Variants in KMT5A observed in about 807,000 individuals in gnomAD.
The protein encoded by KMT5A is N-lysine methyltransferase KMT5A.
In KMT5A, 6 loss-of-function variants were observed where a neutral mutation model predicts 40.6. That is an observed-to-expected ratio of 0.15 (90% CI 0.08 to 0.29). KMT5A has a LOEUF of 0.29. Ranked by LOEUF, KMT5A falls within the 10% of genes least tolerant of loss-of-function variation. KMT5A has a pLI of 1.00. For missense variants in KMT5A, 308 were observed against 459.1 expected, an observed-to-expected ratio of 0.67 and a Z score of 3.01; for synonymous variants, 153 against 178.8, an observed-to-expected ratio of 0.86 and a Z score of 1.15.
In KMT5A at chr12:123,408,388, G is replaced by T. The variant is rs1305677425; in HGVS notation, c.*685G>T. On this transcript the variant is annotated 3_prime_UTR_variant, in exon 8 of 8. Transcript: ENST00000402868. ...CAAACTAGATGTGGGCAGGGAGAGG[G>T]TTGCTTACCTGCCCTGCTGGGGCAG... 1 of 152,218 alleles carries T rather than the reference G, an allele frequency of 6.6e-6. No homozygotes were observed. Among genetic ancestry groups the T allele is most frequent in the Non-Finnish European group, 1.5e-5 (1 of 67,948 alleles). The allele number at this position is 152,218 out of a possible 1,614,324, so 9.4% of individuals were successfully genotyped here.
Position 123,405,507 on chromosome 12 carries a change from C to T in KMT5A, c.848+433C>T, listed in dbSNP as rs1309407563. Among the ~76,000 whole-genome samples, 5 of 124,274 alleles carry T rather than the reference C, an allele frequency of 4.0e-5. No homozygotes were observed. The East Asian group carries it at 1.1e-3, about 27-fold the overall frequency. 81.5% of individuals were successfully genotyped at this position (124,274 alleles called of 152,430 possible). On this transcript the variant is annotated intron_variant, in intron 7 of 7. Coordinates refer to ENST00000402868, the MANE Select transcript of KMT5A (RefSeq NM_020382.7). ...TTTTTCAAAGCTGTGATGCAATTAT[C>T]GCCTGCTTCCTTTTTTTTTTTTTTT...
At chr12:123,400,121 C>G (rs188639883) in intron 5 of KMT5A, among the ~76,000 whole-genome samples, 6 of 151,302 alleles carry the variant, frequency 4.0e-5, no homozygotes, top group South Asian at 2.1e-4. Flanking sequence ...TGAGCCCGGC[C>G]GTGAGACCCC....
At chr12:123,385,768 C>T (rs1770028957) in intron 1 of KMT5A, among the ~76,000 whole-genome samples, 1 of 152,042 alleles carries the variant, frequency 6.6e-6, no homozygotes, top group Non-Finnish European at 1.5e-5. Flanking sequence ...GGGAGAATTG[C>T]CTGAACCTGG....
At chr12:123,391,266 C>T (rs1045898540) in intron 3 of KMT5A, 10 of 157,130 alleles carry the variant, frequency 6.4e-5, no homozygotes, top group African/African-American at 1.9e-4. Flanking sequence ...ACGATCTCAG[C>T]TCACTGCAAC....
In KMT5A at chr12:123,408,109, C is replaced by A; in HGVS notation, c.*406C>A. On this transcript the variant is annotated 3_prime_UTR_variant, in exon 8 of 8. Transcript: ENST00000402868. Reference sequence around the variant, plus strand: ...CCCCTGCACCCCCGACATCCAGGGACGGGGTGTGAGGAAGACGCTGCCTCC... The same window carrying A: ...CCCCTGCACCCCCGACATCCAGGGAAGGGGTGTGAGGAAGACGCTGCCTCC... The A allele has an allele frequency of 5.0e-6, 1 of 198,810 alleles. No individual in the cohort carries two copies. The highest frequency in any genetic ancestry group is 8.3e-5 in the South Asian group (1 of 12,094). The allele number at this position is 198,810 out of a possible 1,614,324, so 12.3% of individuals were successfully genotyped here.
intron 7 of KMT5A, among the ~76,000 whole-genome samples, chr12:123,405,351 A>G (rs1427593086): frequency 1.3e-5 from 2 of 150,334 alleles, no homozygotes; most frequent in African/African-American, 4.9e-5. Context: ...CTGTATTTTT[A>G]GTAGAGGTGG....
chr12:123,405,691 A>G (rs370539018), intron 7 of KMT5A, among the ~76,000 whole-genome samples: 1 of 149,266 alleles, frequency 6.7e-6, no homozygotes, highest in Non-Finnish European at 1.5e-5. Flanking sequence ...TAATTCTTAT[A>G]TATTTTTTTA....
At chr12:123,396,246 A>G in intron 4 of KMT5A, 99 bp from the exon 5 acceptor site, 1 of 1,101,178 alleles carries the variant, frequency 9.1e-7, no homozygotes, top group Non-Finnish European at 1.4e-6. Context: ...ATCATCTCCA[A>G]GGAGCTGTGT....
chr12:123,401,210 G>T lies in KMT5A; in HGVS notation c.598-2363G>T, dbSNP rs556131117. Among the ~76,000 whole-genome samples the T allele has an allele frequency of 1.3e-4, 17 of 135,504 alleles. No individual in the cohort carries two copies. The South Asian group carries it at 3.0e-3, about 24-fold the overall frequency. The allele number at this position is 135,504 out of a possible 152,430, so 88.9% of individuals were successfully genotyped here. ...GTTGCCAAGGCTGGAGTGCAGTGGC[G>T]CGATCTTGGCTCACTGCAAGCTCCG... On this transcript the variant is annotated intron_variant, in intron 5 of 7. Transcript: ENST00000402868.
At chr12:123,386,210 A>ATTTTT (rs59509232) in intron 1 of KMT5A, among the ~76,000 whole-genome samples, 1 of 79,848 alleles carries the variant, frequency 1.3e-5, no homozygotes, top group Non-Finnish European at 2.5e-5. Context: ...TTAGATTTAG[A>ATTTTT]TTTTTTTTTT....
chr12:123,407,486 C>T lies in KMT5A; in HGVS notation c.849-7C>T. On this transcript the variant is annotated splice_polypyrimidine_tract_variant and splice_region_variant and intron_variant, in intron 7 of 7. Coordinates refer to ENST00000402868, the MANE Select transcript of KMT5A (RefSeq NM_020382.7). ...TTTAATCCTCTCTGGCCCTCCTTCC[C>T]CTCCAGCGTGGATGCAACTAGAGAG... 6.2e-7 allele frequency: 1 copy of T among 1,613,862 alleles called. No homozygotes were observed. Among genetic ancestry groups the T allele is most frequent in the South Asian group, 1.1e-5 (1 of 91,060 alleles).
intron 1 of KMT5A, among the ~76,000 whole-genome samples, chr12:123,385,052 G>C (rs1043572381): frequency 3.3e-5 from 5 of 151,664 alleles, no homozygotes; most frequent in Non-Finnish European, 7.4e-5. Flanking sequence ...AAAAAAAAAA[G>C]TTTTGGTATT....
Position 123,395,255 on chromosome 12 carries a change from C to T in KMT5A, c.498C>T (p.Ala166=), listed in dbSNP as rs143093606. 1.8e-4 allele frequency: 288 copies of T among 1,612,782 alleles called. 3 individuals are homozygous for T. Among genetic ancestry groups the T allele is most frequent in the South Asian group, 6.4e-4 (58 of 90,868 alleles). The change falls in exon 4 of 8, where the codon GCC becomes GCT. Residue 166 remains alanine, a synonymous_variant. Transcript: ENST00000402868. ...AAAAGCCCATCAAGGGCAAACAGGC[C>T]CCCCGAAAAAAGTAAGTGCCCCATT... is the stretch of plus-strand genomic sequence containing the variant. ...ALKKPIKGKQ[A]PRKKAQGKTQ...
intron 5 of KMT5A, among the ~76,000 whole-genome samples, chr12:123,401,144 C>CTTTTTTTTTTTTT (rs58431238): frequency 4.0e-5 from 3 of 75,678 alleles, no homozygotes; most frequent in Non-Finnish European, 6.9e-5. Flanking sequence ...ATATATCTTT[C>CTTTTTTTTTTTTT]TTTTTTTTTT....
rs1165027161 is a variant in KMT5A, at chr12:123,384,473, G to A, written c.10+265G>A. Among the ~76,000 whole-genome samples, 1 of 152,236 alleles carries A rather than the reference G, an allele frequency of 6.6e-6. No individual in the cohort carries two copies. The highest frequency in any genetic ancestry group is 1.5e-5 in the Non-Finnish European group (1 of 68,034). On this transcript the variant is annotated intron_variant, in intron 1 of 7. Coordinates refer to ENST00000402868, the MANE Select transcript of KMT5A (RefSeq NM_020382.7). The surrounding 1 kb of genome is among the most constrained non-coding windows in gnomAD (Gnocchi z 5.7). ...AACACCTGCGGGCCTGCCTCTCCAC[G>A]GCAGCAGATCCATATGTCAGAGCTC...
At chr12:123,402,658 G>C (rs1363712501) in intron 5 of KMT5A, among the ~76,000 whole-genome samples, 1 of 152,214 alleles carries the variant, frequency 6.6e-6, no homozygotes, top group East Asian at 1.9e-4. Context: ...GTAGAACCCA[G>C]GGTTAGGGAT....
In KMT5A at chr12:123,390,728, A is replaced by G. The variant is rs1247953418; in HGVS notation, c.231A>G (p.Thr77=). ...RFPLQEENSV[T]HHEVKCQGKP... ...CCCTTCAGGAAGAGAACTCAGTTAC[A>G]CATCACGAAGTCAAATGCCAGGGGA... is the stretch of plus-strand genomic sequence containing the variant. The change falls in exon 3 of 8, where the codon ACA becomes ACG. Residue 77 remains threonine, a synonymous_variant. Transcript: ENST00000402868. 1 of 1,613,952 alleles carries G rather than the reference A, an allele frequency of 6.2e-7. No individual in the cohort carries two copies. The highest frequency in any genetic ancestry group is 1.3e-5 in the African/African-American group (1 of 75,032).
At position 123,389,418 on chromosome 12, in the gene KMT5A, G is replaced by C; in HGVS notation, c.11-15G>C. 9.5e-7 allele frequency: 1 copy of C among 1,052,492 alleles called. No homozygotes were observed. Among genetic ancestry groups the C allele is most frequent in the Non-Finnish European group, 1.1e-6 (1 of 875,802 alleles). The allele number at this position is 1,052,492 out of a possible 1,614,324, so 65.2% of individuals were successfully genotyped here. A position where few individuals can be genotyped will look rare whatever the true frequency, so the allele number is the denominator to read the frequency against. On this transcript the variant is annotated splice_polypyrimidine_tract_variant and intron_variant, in intron 1 of 7. Transcript: ENST00000402868. Reference sequence around the variant, plus strand: ...AGCGCCCCCTCCCCCGCTTCCCCCGGGTCCCCTTCTCCAGGCAGGAAGATG... The same window carrying C: ...AGCGCCCCCTCCCCCGCTTCCCCCGCGTCCCCTTCTCCAGGCAGGAAGATG...
At chr12:123,401,875 C>G (rs1398364162) in intron 5 of KMT5A, among the ~76,000 whole-genome samples, 9 of 151,866 alleles carry the variant, frequency 5.9e-5, no homozygotes, top group African/African-American at 1.7e-4. Flanking sequence ...AGCCACCATG[C>G]CTGGTCATGT....
Sources: allele counts gnomAD v4.1 joint callset (sites outside exome capture counted in the v4.1 genomes callset), GRCh38; gene constraint gnomAD v4.1.1; non-coding constraint Gnocchi (gnomAD v3.1); transcripts MANE v1.5; gene names NCBI Gene and HGNC (gene_info 2026-07-23, HGNC 2026-07-21).